WDR7: variants seen among roughly 807,000 people sequenced by gnomAD.
WDR7 encodes WD repeat domain 7.
WDR7 carries 46 observed loss-of-function variants against 169.4 expected under a neutral mutation model. That is an observed-to-expected ratio of 0.27 (90% CI 0.21 to 0.35). WDR7 has a LOEUF of 0.35. WDR7 is among the 10% of genes least tolerant of loss of function. The pLI is 1.00. For missense variants in WDR7, 1,534 were observed against 1,859.3 expected, an observed-to-expected ratio of 0.83 and a Z score of 3.22; for synonymous variants, 612 against 666.8, an observed-to-expected ratio of 0.92 and a Z score of 1.27.
At chr18:56,878,980 T>C (rs1030154404) in intron 20 of WDR7, among the ~76,000 whole-genome samples, 4 of 152,244 alleles carry the variant, frequency 2.6e-5, no homozygotes, top group African/African-American at 4.8e-5. Flanking sequence ...CTGAAAGTAA[T>C]GGCAAATACT....
At chr18:56,848,950 A>G (rs1480945475) in intron 20 of WDR7, among the ~76,000 whole-genome samples, 3 of 152,214 alleles carry the variant, frequency 2.0e-5, no homozygotes, top group African/African-American at 2.4e-5. Context: ...CCAAAATGGA[A>G]TAATACACTA....
intron 16 of WDR7, among the ~76,000 whole-genome samples, chr18:56,767,188 C>T (rs1173212536): frequency 6.6e-6 from 1 of 152,188 alleles, no homozygotes; most frequent in Non-Finnish European, 1.5e-5. Context: ...TCCATTTAGG[C>T]TGTTGGGAGC....
intron 1 of WDR7, among the ~76,000 whole-genome samples, chr18:56,652,930 G>A (rs2024686240): frequency 6.6e-6 from 1 of 152,080 alleles, no homozygotes; most frequent in Non-Finnish European, 1.5e-5. Context: ...GTATCTTACA[G>A]TTTCCTTTTA....
chr18:56,944,272 G>T (rs190310648), intron 25 of WDR7, among the ~76,000 whole-genome samples: 1 of 152,112 alleles, frequency 6.6e-6, no homozygotes, highest in Non-Finnish European at 1.5e-5. Context: ...GATTATAGGC[G>T]TGAGCCACTG....
intron 26 of WDR7, among the ~76,000 whole-genome samples, chr18:56,964,963 A>G (rs1292388685): frequency 1.3e-5 from 2 of 152,152 alleles, no homozygotes; most frequent in Non-Finnish European, 2.9e-5. Flanking sequence ...TAATATTTGG[A>G]AAAAAATGAG....
chr18:56,998,557 G>T (rs1400988561), intron 26 of WDR7, among the ~76,000 whole-genome samples: 3 of 152,100 alleles, frequency 2.0e-5, no homozygotes, highest in African/African-American at 7.2e-5. Context: ...TCTTTACTCT[G>T]CTGTTTGCTT....
intron 27 of WDR7, among the ~76,000 whole-genome samples, chr18:57,025,286 T>C (rs72930668): frequency 0.13 from 19,391 of 152,256 alleles, 1,448 homozygotes; most frequent in East Asian, 0.36. Context: ...TTAGATTTTT[T>C]CTAAAACACA....
At chr18:56,709,934 A>G (rs554919788) in intron 12 of WDR7, among the ~76,000 whole-genome samples, 1 of 151,776 alleles carries the variant, frequency 6.6e-6, no homozygotes, top group African/African-American at 2.4e-5. Flanking sequence ...AGTAGAGATA[A>G]CTAAGAAGGT....
chr18:56,950,895 A>G (rs1260851721), intron 25 of WDR7, among the ~76,000 whole-genome samples: 1 of 152,214 alleles, frequency 6.6e-6, no homozygotes, highest in African/African-American at 2.4e-5. Flanking sequence ...TTTTGAGGTC[A>G]TGTTATAGAT....
intron 25 of WDR7, among the ~76,000 whole-genome samples, chr18:56,944,994 A>G (rs2047084241): frequency 6.6e-6 from 1 of 152,154 alleles, no homozygotes; most frequent in Non-Finnish European, 1.5e-5. Context: ...CTTATTCATC[A>G]TTGATTATTT....
intron 7 of WDR7, among the ~76,000 whole-genome samples, chr18:56,690,409 G>A (rs1352540989): frequency 6.6e-6 from 1 of 152,146 alleles, no homozygotes; most frequent in Non-Finnish European, 1.5e-5. Flanking sequence ...TTATTACATA[G>A]TAAAATTGAG....
Position 57,023,014 on chromosome 18 carries a change from T to A in WDR7, c.4269+2165T>A, listed in dbSNP as rs369566513. ...CAAAGCAGCCCAGGCAACACCCAGGTCATTCTTGCCTCTAAAACCAATGTC... is the reference window on the plus strand; with the variant it reads ...CAAAGCAGCCCAGGCAACACCCAGGACATTCTTGCCTCTAAAACCAATGTC... On this transcript the variant is annotated intron_variant, in intron 27 of 27. Transcript: ENST00000254442. 3.3e-5 allele frequency among the ~76,000 whole-genome samples: 5 copies of A among 152,358 alleles called. No homozygotes were observed. The South Asian group carries it at 1.0e-3, about 32-fold the overall frequency.
chr18:56,706,320 C>T (rs1206220524), intron 12 of WDR7, among the ~76,000 whole-genome samples: 2 of 152,160 alleles, frequency 1.3e-5, no homozygotes, highest in Non-Finnish European at 2.9e-5. Context: ...TTGGTGAAGA[C>T]TTTCTAAAGG....
intron 12 of WDR7, among the ~76,000 whole-genome samples, chr18:56,700,838 G>T (rs1456050118): frequency 6.6e-6 from 1 of 152,060 alleles, no homozygotes; most frequent in Non-Finnish European, 1.5e-5. Flanking sequence ...CAAAGTGCTG[G>T]GATTACAGGC....
At chr18:56,756,549 A>G in intron 14 of WDR7, 34 bp from the exon 15 acceptor site, 1 of 1,481,282 alleles carries the variant, frequency 6.8e-7, no homozygotes. Context: ...AAGCACTTTT[A>G]ATTATAACTA....
rs190291733 is a variant in WDR7 at position 56,659,229 on chromosome 18, A to G, written c.-20+7653A>G. On this transcript the variant is annotated intron_variant, in intron 1 of 27. Coordinates refer to ENST00000254442, the MANE Select transcript of WDR7 (RefSeq NM_015285.3). ...TGACATTTTGATTAAGGAGGCTTGT[A>G]TTAATTGTTGACATTATTATAGAAG... Among the ~76,000 whole-genome samples, 163 of 152,344 alleles carry G rather than the reference A, an allele frequency of 1.1e-3. 2 individuals carry two copies. The highest frequency in any genetic ancestry group is 3.6e-3 in the African/African-American group (151 of 41,580).
intron 13 of WDR7, among the ~76,000 whole-genome samples, chr18:56,722,650 T>A (rs1188405293): frequency 2.6e-5 from 4 of 152,152 alleles, no homozygotes; most frequent in Non-Finnish European, 5.9e-5. Flanking sequence ...TTATGAAATC[T>A]TACATATTTA....
rs144455236 is a variant in WDR7, at chr18:56,757,248, C to T, written c.2655C>T (p.Ala885=). The change falls in exon 15 of 28, where the codon GCC becomes GCT. Residue 885 remains alanine (A), a synonymous_variant. Transcript: ENST00000254442. ...VGKGTYGVSR[A]VTTQHLLSII... ...AGGGAACTTACGGAGTGTCCCGTGC[C>T]GTCACCACACAGCATCTCCTGTCTA... 261 of 1,614,080 alleles carry T rather than the reference C, an allele frequency of 1.6e-4. 1 individual carries two copies. The African/African-American group carries it at 2.9e-3, about 18-fold the overall frequency.
intron 27 of WDR7, among the ~76,000 whole-genome samples, chr18:57,024,989 G>T (rs1197809205): frequency 1.3e-5 from 2 of 152,170 alleles, no homozygotes; most frequent in African/African-American, 2.4e-5. Flanking sequence ...ATTTATCAAA[G>T]TAGGGATGGC....
Sources: allele counts gnomAD v4.1 joint callset (sites outside exome capture counted in the v4.1 genomes callset), GRCh38; gene constraint gnomAD v4.1.1; transcripts MANE v1.5; gene names NCBI Gene and HGNC (gene_info 2026-07-23, HGNC 2026-07-21).